The following EIF3E variants were observed in gnomAD, a reference collection of about 807,000 sequenced individuals.
EIF3E encodes the protein eIF-3 p48.
A neutral mutation model predicts 59.3 loss-of-function variants in EIF3E; 25 were observed. The observed-to-expected ratio is 0.42, with a 90% CI of 0.31 to 0.59. EIF3E has a LOEUF of 0.59. Ranked by LOEUF, EIF3E falls within the 20% of genes least tolerant of loss-of-function variation. The pLI is 0.15. For synonymous variants in EIF3E, 176 were observed against 170.2 expected (o/e 1.03, Z -0.26); for missense variants, 317 against 534.3 (o/e 0.59, Z 4.01).
At chr8:108,204,731 G>GTATATATA (rs148053969) in intron 10 of EIF3E, among the ~76,000 whole-genome samples, 352 of 86,076 alleles carry the variant, frequency 4.1e-3, no homozygotes, top group Middle Eastern at 7.5e-3. Context: ...TAGTATGTAT[G>GTATATATA]TATATATATA....
chr8:108,215,906 C>T (rs1218330860), intron 9 of EIF3E, among the ~76,000 whole-genome samples: 3 of 152,128 alleles, frequency 2.0e-5, no homozygotes, highest in East Asian at 1.9e-4. Flanking sequence ...TAAGAGACAC[C>T]GCCGTTATAA....
chr8:108,216,784 A>G (rs1046799374), intron 8 of EIF3E, among the ~76,000 whole-genome samples: 1 of 152,184 alleles, frequency 6.6e-6, no homozygotes, highest in African/African-American at 2.4e-5. Flanking sequence ...CCCTTGGTCA[A>G]TAAACAGTAA....
At chr8:108,244,643 T>C (rs977224124) in intron 1 of EIF3E, among the ~76,000 whole-genome samples, 2 of 152,044 alleles carry the variant, frequency 1.3e-5, no homozygotes, top group Non-Finnish European at 2.9e-5. Flanking sequence ...TCTCAGACTT[T>C]CTGCCCTTTC....
intron 11 of EIF3E, 23 bp downstream of exon 11, chr8:108,203,378 A>T (rs1305386754): frequency 6.4e-7 from 1 of 1,562,948 alleles, no homozygotes; most frequent in Non-Finnish European, 8.8e-7. Context: ...GATAGTATGT[A>T]GCATAGCTAA....
chr8:108,238,357 ACC>A (rs1815774276), intron 3 of EIF3E, among the ~76,000 whole-genome samples: 1 of 152,076 alleles, frequency 6.6e-6, no homozygotes, highest in Admixed American at 6.5e-5. Flanking sequence ...CCCCTCAAAT[ACC>A]AAAATCTGCA....
intron 10 of EIF3E, among the ~76,000 whole-genome samples, chr8:108,212,455 G>A (rs1158009065): frequency 6.6e-6 from 1 of 152,188 alleles, no homozygotes; most frequent in Non-Finnish European, 1.5e-5. Flanking sequence ...TAACTGTGTT[G>A]TTGGATCAGA....
chr8:108,221,302 C>T (rs1815408761), intron 7 of EIF3E, among the ~76,000 whole-genome samples: 1 of 152,118 alleles, frequency 6.6e-6, no homozygotes, highest in South Asian at 2.1e-4. Context: ...TGAGGCAATG[C>T]TCTGGGCTAG....
chr8:108,248,417 C>G (rs1294992663), intron 1 of EIF3E, among the ~76,000 whole-genome samples, 196 bp downstream of exon 1: 1 of 152,200 alleles, frequency 6.6e-6, no homozygotes, highest in East Asian at 1.9e-4. Flanking sequence ...AACCTCCCTC[C>G]TCCTCACTGC....
chr8:108,204,731 G>GTGTATATATATATATATATA (rs1554597993), intron 10 of EIF3E, among the ~76,000 whole-genome samples: 3 of 86,788 alleles, frequency 3.5e-5, no homozygotes, highest in Non-Finnish European at 4.9e-5. Flanking sequence ...TAGTATGTAT[G>GTGTATATATATATATATATA]TATATATATA....
chr8:108,233,385 C>A (rs1815659775), intron 5 of EIF3E: 1 of 152,250 alleles, frequency 6.6e-6, no homozygotes, highest in Non-Finnish European at 1.5e-5. Context: ...TAGAAAATAA[C>A]CACAGACAGC....
intron 7 of EIF3E, 70 bp from the exon 8 acceptor site, chr8:108,217,530 A>G: frequency 7.5e-7 from 1 of 1,326,982 alleles, no homozygotes. Context: ...CGAGCAGGTC[A>G]TTAGATTGTA....
intron 2 of EIF3E, 86 bp downstream of exon 2, chr8:108,241,713 G>T (rs1815838660): frequency 2.8e-6 from 2 of 726,254 alleles, no homozygotes; most frequent in Non-Finnish European, 4.3e-6. Flanking sequence ...AAGCCTTTTG[G>T]CTAAAGCTGT....
intron 9 of EIF3E, 76 bp from the exon 10 acceptor site, chr8:108,214,792 G>C: frequency 2.4e-6 from 3 of 1,275,064 alleles, no homozygotes; most frequent in Non-Finnish European, 3.3e-6. Context: ...TACTTTATCT[G>C]CTTTATTTTT....
At chr8:108,247,845 A>G (rs1815976594) in intron 1 of EIF3E, among the ~76,000 whole-genome samples, 1 of 152,194 alleles carries the variant, frequency 6.6e-6, no homozygotes, top group South Asian at 2.1e-4. Context: ...TTTAGCCAAA[A>G]CTTTCAAGTC....
At chr8:108,238,550 GTT>G (rs142268684) in intron 3 of EIF3E, among the ~76,000 whole-genome samples, 3,576 of 152,044 alleles carry the variant, frequency 0.024, 127 homozygotes, top group African/African-American at 0.074. Flanking sequence ...TTATTTTTTA[GTT>G]TCTTTCCCTG....
At chr8:108,203,227 T>C (rs773455949) in intron 11 of EIF3E, 110 bp from the exon 12 acceptor site, 3 of 890,796 alleles carry the variant, frequency 3.4e-6, no homozygotes, top group Non-Finnish European at 4.6e-6. Flanking sequence ...TGTATAGAGA[T>C]GACAATATTT....
At chr8:108,238,866 A>T (rs1190548227) in intron 3 of EIF3E, among the ~76,000 whole-genome samples, 1 of 152,236 alleles carries the variant, frequency 6.6e-6, no homozygotes, top group Admixed American at 6.5e-5. Context: ...GATTTATCTC[A>T]AATGACAATA....
intron 2 of EIF3E, among the ~76,000 whole-genome samples, chr8:108,241,057 T>C (rs958869134): frequency 7.2e-5 from 11 of 152,208 alleles, no homozygotes; most frequent in Non-Finnish European, 1.6e-4. Context: ...ATACTGTTAT[T>C]GCAGGGAACT....
At chr8:108,234,408 T>TA (rs1289021241) in intron 5 of EIF3E, 3 of 152,198 alleles carry the variant, frequency 2.0e-5, no homozygotes, top group Non-Finnish European at 2.9e-5. Flanking sequence ...GCCTGTCAAA[T>TA]ATACGGTAAT....
Sources: allele counts gnomAD v4.1 joint callset (sites outside exome capture counted in the v4.1 genomes callset), GRCh38; gene constraint gnomAD v4.1.1; transcripts MANE v1.5; gene names NCBI Gene and HGNC (gene_info 2026-07-23, HGNC 2026-07-21).